MYO1E: variants seen among roughly 807,000 people sequenced by gnomAD.
The protein encoded by MYO1E is unconventional myosin-Ie.
Under a neutral mutation model 151.1 loss-of-function variants are expected in MYO1E, and 68 were observed. That is an observed-to-expected ratio of 0.45 (90% CI 0.37 to 0.55). The LOEUF (loss-of-function observed/expected upper bound fraction) is 0.55. Ranked by LOEUF, MYO1E falls within the 20% of genes least tolerant of loss-of-function variation. MYO1E has a pLI of 0.00. For missense variants in MYO1E, 1,363 were observed against 1,389.3 expected, an observed-to-expected ratio of 0.98 and a Z score of 0.30; for synonymous variants, 601 against 501.7, an observed-to-expected ratio of 1.20 and a Z score of -2.64.
intron 1 of MYO1E, among the ~76,000 whole-genome samples, chr15:59,322,196 TAGAA>T (rs1332431135): frequency 2.9e-4 from 41 of 141,588 alleles, no homozygotes; most frequent in Admixed American, 1.9e-3. Flanking sequence ...AAAAAAAAAA[TAGAA>T]AGAAAAGAAA....
intron 2 of MYO1E, among the ~76,000 whole-genome samples, chr15:59,263,662 C>G (rs2080236936): frequency 6.6e-6 from 1 of 152,084 alleles, no homozygotes; most frequent in Non-Finnish European, 1.5e-5. Flanking sequence ...GATCTTCATA[C>G]TTGAAGGGGT....
chr15:59,309,585 G>A (rs1240480436), intron 1 of MYO1E, among the ~76,000 whole-genome samples: 2 of 152,206 alleles, frequency 1.3e-5, no homozygotes, highest in Non-Finnish European at 2.9e-5. Flanking sequence ...CAGGCTGGAC[G>A]ACGGCCCTAG....
chr15:59,274,669 T>C (rs551397517), intron 1 of MYO1E, among the ~76,000 whole-genome samples: 7 of 152,336 alleles, frequency 4.6e-5, no homozygotes, highest in East Asian at 1.9e-4. Flanking sequence ...TATGTTTGTA[T>C]TGATCCGAAG....
chr15:59,265,753 C>T (rs1414333419), intron 2 of MYO1E, among the ~76,000 whole-genome samples: 3 of 139,232 alleles, frequency 2.2e-5, no homozygotes, highest in South Asian at 2.3e-4. Flanking sequence ...TCCAGGAGTT[C>T]GAGACCAGCC....
intron 1 of MYO1E, among the ~76,000 whole-genome samples, chr15:59,354,168 G>A (rs1304576137): frequency 6.6e-6 from 1 of 152,190 alleles, no homozygotes; most frequent in Non-Finnish European, 1.5e-5. Flanking sequence ...GAATGTAAAT[G>A]AAGCTACTGG....
At chr15:59,255,822 A>G (rs2080191118) in intron 4 of MYO1E, among the ~76,000 whole-genome samples, 1 of 152,242 alleles carries the variant, frequency 6.6e-6, no homozygotes, top group Non-Finnish European at 1.5e-5. Flanking sequence ...CAGGTTGGAC[A>G]AGCTTGACTT....
At chr15:59,365,032 C>CT (rs200786215) in intron 1 of MYO1E, among the ~76,000 whole-genome samples, 48 of 146,658 alleles carry the variant, frequency 3.3e-4, no homozygotes, top group East Asian at 6.0e-4. Flanking sequence ...ATTTCTTTTT[C>CT]TTTTTTTTTT....
intron 1 of MYO1E, among the ~76,000 whole-genome samples, chr15:59,323,028 G>C (rs922621966): frequency 1.1e-4 from 17 of 150,594 alleles, no homozygotes; most frequent in African/African-American, 3.2e-4. Context: ...AAATAGCCTG[G>C]TATGGTGGTG....
intron 22 of MYO1E, among the ~76,000 whole-genome samples, chr15:59,165,717 A>T (rs2079559708): frequency 6.6e-6 from 1 of 152,230 alleles, no homozygotes; most frequent in Non-Finnish European, 1.5e-5. Context: ...GCTGCTCAAA[A>T]GAGCTCTTCC....
chr15:59,366,812 T>TTACA (rs2080916509), intron 1 of MYO1E, among the ~76,000 whole-genome samples: 2 of 152,186 alleles, frequency 1.3e-5, no homozygotes, highest in Admixed American at 1.3e-4. Context: ...TTTACCACTA[T>TTACA]TACAGAATGT....
chr15:59,180,159 A>T (rs1467003530), intron 18 of MYO1E, among the ~76,000 whole-genome samples: 1 of 152,252 alleles, frequency 6.6e-6, no homozygotes, highest in Non-Finnish European at 1.5e-5. Context: ...TTCCCTAATT[A>T]GAGATAAAAA....
At position 59,173,789 on chromosome 15, in the gene MYO1E, A is replaced by G. The variant is rs199680553; in HGVS notation, c.2291T>C (p.Ile764Thr). 5.6e-6 allele frequency: 9 copies of G among 1,614,032 alleles called. No homozygotes were observed. The highest frequency in any genetic ancestry group is 4.5e-5 in the East Asian group (2 of 44,876). Residue 764 changes from isoleucine (I) to threonine (T), a missense_variant, in exon 21 of 28, where the codon ATT becomes ACT. Physicochemically the swap from Ile to Thr is moderately conservative, Grantham distance 89. Transcript: ENST00000288235. The stretch of plus-strand genomic sequence containing the variant: ...CTTGGTGACTGTGTCTGCGAAATCA[A>G]TCTTCTCCCTCTTGCCCACGAACTG... ...LQQFVGKREKIDFADTVTKYD... is the reference protein window; with the variant it reads ...LQQFVGKREKTDFADTVTKYD...
At chr15:59,158,645 CA>C (rs1356646875) in intron 24 of MYO1E, among the ~76,000 whole-genome samples, 4 of 152,188 alleles carry the variant, frequency 2.6e-5, no homozygotes, top group Non-Finnish European at 5.9e-5. Flanking sequence ...GGTCATCTTA[CA>C]AAGGTGTTTC....
intron 26 of MYO1E, among the ~76,000 whole-genome samples, chr15:59,143,078 G>C (rs1292813893): frequency 2.6e-5 from 4 of 152,194 alleles, no homozygotes; most frequent in South Asian, 2.1e-4. Context: ...CCACTGCGTG[G>C]TCTTTGATAT....
intron 1 of MYO1E, among the ~76,000 whole-genome samples, chr15:59,284,046 C>T (rs1309054672): frequency 6.6e-5 from 10 of 152,240 alleles, no homozygotes; most frequent in African/African-American, 1.7e-4. Context: ...CCTGGCTCTG[C>T]ACAGCCTTGC....
At chr15:59,300,024 G>A (rs1289732425) in intron 1 of MYO1E, among the ~76,000 whole-genome samples, 2 of 152,100 alleles carry the variant, frequency 1.3e-5, no homozygotes, top group Admixed American at 1.3e-4. Context: ...TTAATGTAAT[G>A]TAAGATCTCC....
At chr15:59,360,732 T>C (rs1402055195) in intron 1 of MYO1E, among the ~76,000 whole-genome samples, 1 of 152,080 alleles carries the variant, frequency 6.6e-6, no homozygotes, top group Non-Finnish European at 1.5e-5. Context: ...ATGCCTTGCT[T>C]GGGAAAGCAG....
intron 1 of MYO1E, among the ~76,000 whole-genome samples, chr15:59,361,372 T>C (rs561354230): frequency 6.6e-6 from 1 of 152,350 alleles, no homozygotes; most frequent in African/African-American, 2.4e-5. Context: ...CTAAGATGTA[T>C]TGAACATTGG....
Position 59,206,841 on chromosome 15 carries a change from G to A in MYO1E, c.1531-1356C>T, listed in dbSNP as rs1448637735. The stretch of plus-strand genomic sequence containing the variant: ...AGGGGGCGGGGCACGCGCACCTGCC[G>A]TAGAGTGCTGAAGGTCCTGCCAACG... On this transcript the variant is annotated intron_variant, in intron 14 of 27. Coordinates refer to ENST00000288235, the MANE Select transcript of MYO1E (RefSeq NM_004998.4). The A allele has an allele frequency of 7.9e-6, 10 of 1,265,624 alleles. No homozygotes were observed. In the African/African-American group the frequency reaches 9.0e-5, roughly 11 times the overall value. The allele number at this position is 1,265,624 out of a possible 1,614,324, so 78.4% of individuals were successfully genotyped here.
Sources: allele counts gnomAD v4.1 joint callset (sites outside exome capture counted in the v4.1 genomes callset), GRCh38; gene constraint gnomAD v4.1.1; transcripts MANE v1.5; gene names NCBI Gene and HGNC (gene_info 2026-07-23, HGNC 2026-07-21).